Variants in L3MBTL1 observed in about 807,000 individuals in gnomAD.
L3MBTL1 encodes lethal(3)malignant brain tumor-like protein 1.
In L3MBTL1, 75 loss-of-function variants were observed where a neutral mutation model predicts 105.3. The ratio of observed to expected loss-of-function variants is 0.71; its 90% CI spans 0.59 to 0.86. The LOEUF (loss-of-function observed/expected upper bound fraction) is 0.86. L3MBTL1 is among the 40% of genes least tolerant of loss of function. L3MBTL1 has a pLI of 0.00. For synonymous variants in L3MBTL1, 452 were observed against 436.2 expected (o/e 1.04, Z -0.45); for missense variants, 1,069 against 1,126.4 (o/e 0.95, Z 0.73).
At chr20:43,542,235 G>C (rs1269616229), downstream of L3MBTL1, among the ~76,000 whole-genome samples, 1 of 152,290 alleles carries the variant, frequency 6.6e-6, no homozygotes, top group South Asian at 2.1e-4. Context: ...AAAGTAGTTG[G>C]CTCTTCTTGC....
chr20:43,525,457 G>T (rs151328243), intron 7 of L3MBTL1, among the ~76,000 whole-genome samples: 32 of 152,282 alleles, frequency 2.1e-4, no homozygotes, highest in African/African-American at 7.7e-4. Flanking sequence ...TTTCTTCACA[G>T]TAGACTCAGC....
intron 7 of L3MBTL1, among the ~76,000 whole-genome samples, chr20:43,526,755 T>TTACTGGCC (rs2019054228): frequency 6.6e-6 from 1 of 151,886 alleles, no homozygotes; most frequent in Admixed American, 6.6e-5. Flanking sequence ...AGGTCAGGAG[T>TTACTGGCC]TACTGGCCAA....
chr20:43,523,854 G>A (rs1354425177), intron 7 of L3MBTL1, among the ~76,000 whole-genome samples: 1 of 152,090 alleles, frequency 6.6e-6, no homozygotes. Context: ...AATTAGCTGG[G>A]TGTGGTGGCG....
chr20:43,546,784 A>G (rs1312691656), downstream of L3MBTL1, among the ~76,000 whole-genome samples: 1 of 152,208 alleles, frequency 6.6e-6, no homozygotes, highest in East Asian at 1.9e-4. Flanking sequence ...TGTTTCACCT[A>G]TATTTGGATG....
At chr20:43,517,351 T>C (rs966681571) in intron 7 of L3MBTL1, among the ~76,000 whole-genome samples, 1 of 152,162 alleles carries the variant, frequency 6.6e-6, no homozygotes, top group African/African-American at 2.4e-5. Context: ...CACCTCAGCC[T>C]CCCAAGTGGT....
intron 7 of L3MBTL1, among the ~76,000 whole-genome samples, chr20:43,526,535 G>A (rs904132712): frequency 6.6e-6 from 1 of 152,180 alleles, no homozygotes. Flanking sequence ...TGGTTTCCGC[G>A]TAGGTCCTTG....
chr20:43,545,807 C>G (rs1978559650), downstream of L3MBTL1, among the ~76,000 whole-genome samples: 1 of 152,282 alleles, frequency 6.6e-6, no homozygotes, highest in South Asian at 2.1e-4. Context: ...TTCAGAGCCT[C>G]CTTGGTTAGT....
At chr20:43,512,021 G>A (rs2018147681) in intron 1 of L3MBTL1, among the ~76,000 whole-genome samples, 1 of 152,078 alleles carries the variant, frequency 6.6e-6, no homozygotes, top group African/African-American at 2.4e-5. Flanking sequence ...AGGCCAGAGG[G>A]AAAAGCAGAG....
intron 3 of L3MBTL1, 93 bp from the exon 4 acceptor site, chr20:43,514,542 G>T (rs369072001): frequency 6.3e-7 from 1 of 1,584,294 alleles, no homozygotes; most frequent in Non-Finnish European, 8.6e-7. Flanking sequence ...GGCGTGAGCT[G>T]GCATGAGGCG....
At chr20:43,550,450 A>G (rs1404794124) in exon 19 of L3MBTL1, 1 of 152,214 alleles carries the variant, frequency 6.6e-6, no homozygotes, top group Non-Finnish European at 1.5e-5. Context: ...AACTCTTTGG[A>G]AAGAAACCAA....
chr20:43,519,056 C>T (rs2018566870), intron 7 of L3MBTL1, among the ~76,000 whole-genome samples: 1 of 150,928 alleles, frequency 6.6e-6, no homozygotes, highest in Non-Finnish European at 1.5e-5. Context: ...AAAGAATACA[C>T]TTTAAGGCTA....
At chr20:43,544,159 C>T (rs79354426), downstream of L3MBTL1, among the ~76,000 whole-genome samples, 823 of 152,294 alleles carry the variant, frequency 5.4e-3, 11 homozygotes, top group African/African-American at 0.018. Context: ...TCCTGCTTCC[C>T]AAATGTCTGA....
chr20:43,514,527 C>G, intron 3 of L3MBTL1, 108 bp from the exon 4 acceptor site: 1 of 1,569,240 alleles, frequency 6.4e-7, no homozygotes, highest in Non-Finnish European at 8.7e-7. Context: ...TTGAGGCCTG[C>G]TGAGGGCGTG....
chr20:43,535,699 G>A lies in L3MBTL1; in HGVS notation c.1826-138G>A, dbSNP rs2019567301. The A allele has an allele frequency of 1.8e-5, 11 of 603,784 alleles. No homozygotes were observed. The South Asian group carries it at 2.3e-4, about 13-fold the overall frequency. The allele number at this position is 603,784 out of a possible 1,614,324, so 37.4% of individuals were successfully genotyped here. A position where few individuals can be genotyped will look rare whatever the true frequency, so the allele number is the denominator to read the frequency against. On this transcript the variant is annotated intron_variant, in intron 16 of 21. Transcript: ENST00000418998. ...CAGATATCCAGTAACACAGAATGGT[G>A]TCACAGCCAACGCAGGGCCCTCATC...
At chr20:43,545,066 T>C (rs775702622), downstream of L3MBTL1, among the ~76,000 whole-genome samples, 19 of 152,072 alleles carry the variant, frequency 1.2e-4, no homozygotes, top group Non-Finnish European at 2.2e-4. Flanking sequence ...CTTCGAGATC[T>C]CCCTGGCCAG....
intron 10 of L3MBTL1, 111 bp downstream of exon 10, chr20:43,530,530 T>C: frequency 8.0e-7 from 1 of 1,255,376 alleles, no homozygotes; most frequent in Non-Finnish European, 1.1e-6. Flanking sequence ...CTGTACCCTG[T>C]TCCAAAGCCA....
chr20:43,527,175 A>G (rs879615102), intron 7 of L3MBTL1, among the ~76,000 whole-genome samples: 1 of 152,218 alleles, frequency 6.6e-6, no homozygotes, highest in Non-Finnish European at 1.5e-5. Context: ...GATCTTTTAT[A>G]CATAGATCTG....
chr20:43,524,008 AAAG>A (rs2018882400), intron 7 of L3MBTL1, among the ~76,000 whole-genome samples: 1 of 151,580 alleles, frequency 6.6e-6, no homozygotes, highest in Non-Finnish European at 1.5e-5. Context: ...AAAAAAAAAA[AAAG>A]AAACAGGATG....
At chr20:43,536,350 C>G in intron 18 of L3MBTL1, 56 bp downstream of exon 18, 1 of 1,612,126 alleles carries the variant, frequency 6.2e-7, no homozygotes, top group Non-Finnish European at 8.5e-7. Flanking sequence ...GGCCTTGTAG[C>G]CTCTTGGACT....
Sources: gnomAD v4.1 joint callset for allele counts (sites outside exome capture counted in the v4.1 genomes callset) on GRCh38, gnomAD v4.1.1 for gene constraint, MANE v1.5 for transcripts, NCBI Gene and HGNC (gene_info 2026-07-23, HGNC 2026-07-21) for gene names.